MARCHF10: variants seen among roughly 807,000 people sequenced by gnomAD.
The protein encoded by MARCHF10 is probable E3 ubiquitin-protein ligase MARCHF10.
Under a neutral mutation model 76.2 loss-of-function variants are expected in MARCHF10, and 64 were observed. That is an observed-to-expected ratio of 0.84 (90% CI 0.69 to 1.03). The LOEUF is 1.03. Among genes scored for constraint, MARCHF10 ranks in the 50% least tolerant of loss-of-function variants. MARCHF10 has a pLI of 0.00. For synonymous variants in MARCHF10, 340 were observed against 357.5 expected, an observed-to-expected ratio of 0.95 and a Z score of 0.55; for missense variants, 875 against 958.0, an observed-to-expected ratio of 0.91 and a Z score of 1.14.
At chr17:62,704,932 G>A (rs1048518537) in intron 10 of MARCHF10, 185 of 981,814 alleles carry the variant, frequency 1.9e-4, no homozygotes, top group Non-Finnish European at 2.1e-4. Flanking sequence ...TATTAAGCAC[G>A]TTTTTCTCCA....
intron 3 of MARCHF10, among the ~76,000 whole-genome samples, chr17:62,761,417 T>C (rs1183035256): frequency 6.6e-6 from 1 of 152,036 alleles, no homozygotes; most frequent in East Asian, 1.9e-4. Context: ...GGTCATTTCT[T>C]TTTTCTTTTT....
intron 3 of MARCHF10, among the ~76,000 whole-genome samples, chr17:62,776,275 AC>A (rs755552551): frequency 3.9e-5 from 6 of 152,220 alleles, no homozygotes; most frequent in Non-Finnish European, 7.3e-5. Flanking sequence ...AACACAGGGA[AC>A]CCTTTGGGTC....
chr17:62,766,662 G>A (rs11650060), intron 3 of MARCHF10, among the ~76,000 whole-genome samples: 75,482 of 151,942 alleles, frequency 0.5, 20,298 homozygotes, highest in East Asian at 0.7. Context: ...TAGCTGAGAG[G>A]AGCATCTGAG....
At chr17:62,796,565 G>A (rs965174978) in intron 2 of MARCHF10, among the ~76,000 whole-genome samples, 5 of 152,232 alleles carry the variant, frequency 3.3e-5, no homozygotes, top group African/African-American at 7.2e-5. Context: ...AGTCTGACAA[G>A]CTTAGTTGAT....
intron 3 of MARCHF10, among the ~76,000 whole-genome samples, chr17:62,764,986 C>T (rs1007474805): frequency 2.6e-5 from 4 of 152,270 alleles, no homozygotes; most frequent in Admixed American, 1.3e-4. Flanking sequence ...TATCTGAAGA[C>T]GTGGCTGCCA....
At chr17:62,767,504 G>A (rs1017090816) in intron 3 of MARCHF10, among the ~76,000 whole-genome samples, 2 of 145,862 alleles carry the variant, frequency 1.4e-5, no homozygotes, top group African/African-American at 5.0e-5. Context: ...AGGCCGGAGT[G>A]CAGTGGCATG....
At chr17:62,791,547 T>C (rs1410405684) in intron 2 of MARCHF10, among the ~76,000 whole-genome samples, 1 of 152,204 alleles carries the variant, frequency 6.6e-6, no homozygotes, top group Non-Finnish European at 1.5e-5. Flanking sequence ...ATTTTTTCCC[T>C]CTAGTTCCTT....
In MARCHF10 at chr17:62,803,773, C is replaced by A. The variant is rs547842580; in HGVS notation, c.-17-2021G>T. Among the ~76,000 whole-genome samples, 13 of 152,264 alleles carry A rather than the reference C, an allele frequency of 8.5e-5. No homozygotes were observed. In the East Asian group the frequency reaches 2.1e-3, roughly 25 times the overall value. On this transcript the variant is annotated intron_variant, in intron 1 of 10. Coordinates refer to ENST00000311269, the MANE Select transcript of MARCHF10 (RefSeq NM_152598.4). ...TCAGGTGATCTGCCCACCTTGGCCT[C>A]CCAAAGTGCTGGGATTACAGGCATA...
chr17:62,705,654 G>T, intron 9 of MARCHF10, 73 bp from the exon 10 acceptor site: 1 of 1,575,858 alleles, frequency 6.3e-7, no homozygotes, highest in Non-Finnish European at 8.7e-7. Context: ...TAACCTCCTA[G>T]TCGCAGCAAC....
At chr17:62,763,604 TC>T (rs1490716727) in intron 3 of MARCHF10, among the ~76,000 whole-genome samples, 1 of 152,174 alleles carries the variant, frequency 6.6e-6, no homozygotes, top group East Asian at 1.9e-4. Flanking sequence ...TCCTCATGTG[TC>T]CCCAAGTTGA....
intron 6 of MARCHF10, 95 bp from the exon 7 acceptor site, chr17:62,725,199 G>T: frequency 8.3e-7 from 1 of 1,197,816 alleles, no homozygotes; most frequent in Non-Finnish European, 1.1e-6. Context: ...AAGGAAGAGG[G>T]CTCCTGGTAC....
At chr17:62,769,045 G>A (rs1431677870) in intron 3 of MARCHF10, among the ~76,000 whole-genome samples, 4 of 152,074 alleles carry the variant, frequency 2.6e-5, no homozygotes, top group East Asian at 1.9e-4. Context: ...AATGTCTTAC[G>A]CTCTAAATTT....
At chr17:62,724,877 C>A (rs1237982050) in intron 7 of MARCHF10, 61 bp downstream of exon 7, 1 of 1,584,208 alleles carries the variant, frequency 6.3e-7, no homozygotes, top group Middle Eastern at 1.7e-4. Context: ...GGGCCCACAC[C>A]GTGGTGCCTC....
At chr17:62,776,403 G>A (rs560948702) in intron 3 of MARCHF10, among the ~76,000 whole-genome samples, 49 of 152,294 alleles carry the variant, frequency 3.2e-4, no homozygotes, top group African/African-American at 1.1e-3. Context: ...TGTCTTGCCT[G>A]TGCGTTGAAA....
chr17:62,716,426 T>A (rs1267807120), intron 8 of MARCHF10, among the ~76,000 whole-genome samples: 1 of 138,316 alleles, frequency 7.2e-6, no homozygotes, highest in African/African-American at 2.8e-5. Context: ...ACAGACCCCA[T>A]CTCTCAAAAA....
intron 2 of MARCHF10, among the ~76,000 whole-genome samples, chr17:62,794,079 C>T (rs1220608499): frequency 6.6e-6 from 1 of 151,142 alleles, no homozygotes; most frequent in Admixed American, 6.6e-5. Context: ...TCACCACCAC[C>T]ACCACAACCA....
chr17:62,708,813 C>T (rs953190696), intron 9 of MARCHF10, among the ~76,000 whole-genome samples: 6 of 152,146 alleles, frequency 3.9e-5, no homozygotes, highest in Non-Finnish European at 8.8e-5. Flanking sequence ...ACTGTGGGCC[C>T]AGCATCATAA....
At chr17:62,798,798 T>C (rs2093027877) in intron 2 of MARCHF10, among the ~76,000 whole-genome samples, 1 of 152,206 alleles carries the variant, frequency 6.6e-6, no homozygotes, top group Admixed American at 6.5e-5. Flanking sequence ...GTTCGTGGAC[T>C]GAGCCAACAA....
At chr17:62,780,382 G>GT (rs2092636231) in intron 3 of MARCHF10, among the ~76,000 whole-genome samples, 1 of 152,122 alleles carries the variant, frequency 6.6e-6, no homozygotes. Flanking sequence ...TCTAAAATTC[G>GT]TGTGGATTCT....
Sources: gnomAD v4.1 joint callset for allele counts (sites outside exome capture counted in the v4.1 genomes callset) on GRCh38, gnomAD v4.1.1 for gene constraint, MANE v1.5 for transcripts, NCBI Gene and HGNC (gene_info 2026-07-23, HGNC 2026-07-21) for gene names.